The following SEMA3D variants were observed in gnomAD, a reference collection of about 807,000 sequenced individuals.
SEMA3D encodes the protein semaphorin-3D.
Under a neutral mutation model 100.1 loss-of-function variants are expected in SEMA3D, and 84 were observed. That is an observed-to-expected ratio of 0.84 (90% CI 0.70 to 1.01). SEMA3D has a LOEUF of 1.01. Ranked by LOEUF, SEMA3D falls within the 50% of genes least tolerant of loss-of-function variation. SEMA3D has a pLI of 0.00. For missense variants in SEMA3D, 875 were observed against 934.1 expected (o/e 0.94, Z 0.82); for synonymous variants, 312 against 320.7 (o/e 0.97, Z 0.29).
chr7:85,028,987 G>A, intron 12 of SEMA3D: 1 of 373,808 alleles, frequency 2.7e-6, no homozygotes, highest in South Asian at 2.6e-5. Flanking sequence ...ATCTCAAAAT[G>A]TTCAAGATTT....
Position 85,028,214 on chromosome 7 carries a change from T to C in SEMA3D, c.1192-5601A>G, listed in dbSNP as rs573800944. ...ATGGTTCTGACAAAGATGAAGGAAA[T>C]TGCAAAAGTCTACCTTGGGAAGACT... On this transcript the variant is annotated intron_variant, in intron 12 of 18. Transcript: ENST00000284136. The C allele has an allele frequency of 1.3e-5, 9 of 673,274 alleles. No homozygotes were observed. The East Asian group carries it at 2.4e-4, about 18-fold the overall frequency. The allele number at this position is 673,274 out of a possible 1,614,324, so 41.7% of individuals were successfully genotyped here.
At chr7:85,119,000 G>T (rs187934546) in intron 3 of SEMA3D, among the ~76,000 whole-genome samples, 2 of 141,576 alleles carry the variant, frequency 1.4e-5, no homozygotes, top group Non-Finnish European at 3.2e-5. Context: ...CAACAATCAT[G>T]TGAAAAAAAA....
At chr7:85,038,941 G>C (rs1224911986) in intron 11 of SEMA3D, among the ~76,000 whole-genome samples, 1 of 152,022 alleles carries the variant, frequency 6.6e-6, no homozygotes, top group Non-Finnish European at 1.5e-5. Flanking sequence ...AACAAAATGA[G>C]GATTGTGCCA....
chr7:85,115,313 C>A (rs570057625), intron 3 of SEMA3D, among the ~76,000 whole-genome samples: 1 of 152,182 alleles, frequency 6.6e-6, no homozygotes, highest in Non-Finnish European at 1.5e-5. Flanking sequence ...TCTCGGTATC[C>A]TCATACATAA....
intron 4 of SEMA3D, among the ~76,000 whole-genome samples, chr7:85,091,658 T>C (rs1241196818): frequency 2.6e-5 from 4 of 152,050 alleles, no homozygotes; most frequent in African/African-American, 7.2e-5. Flanking sequence ...GTAGTCAAAC[T>C]GACAGTTACT....
intron 12 of SEMA3D, chr7:85,028,893 G>A: frequency 4.1e-6 from 1 of 244,416 alleles, no homozygotes; most frequent in Non-Finnish European, 8.4e-6. Context: ...CATCTTCAAT[G>A]GAAAATAGCT....
chr7:85,122,437 A>G (rs1203019623), intron 2 of SEMA3D, among the ~76,000 whole-genome samples: 1 of 152,116 alleles, frequency 6.6e-6, no homozygotes, highest in Non-Finnish European at 1.5e-5. Context: ...AATTTAAACT[A>G]TTTTGTTATT....
At chr7:85,155,897 GT>G (rs1790581399) in intron 1 of SEMA3D, among the ~76,000 whole-genome samples, 1 of 151,968 alleles carries the variant, frequency 6.6e-6, no homozygotes, top group South Asian at 2.1e-4. Context: ...TATGACTTAT[GT>G]CACACTTACA....
the SEMA3D span, among the ~76,000 whole-genome samples, chr7:85,241,401 T>C: frequency 2.0e-5 from 3 of 147,382 alleles, no homozygotes; most frequent in Non-Finnish European, 4.4e-5. Flanking sequence ...CAGTTCACAA[T>C]TGCAAAAATA....
rs150670148 is a variant in SEMA3D at position 85,182,284 on chromosome 7, A to C, written c.-173+4394T>G. Among the ~76,000 whole-genome samples, 373 of 152,156 alleles carry C rather than the reference A, an allele frequency of 2.5e-3. 1 individual carries two copies. The highest frequency in any genetic ancestry group is 8.5e-3 in the African/African-American group (355 of 41,544). On this transcript the variant is annotated intron_variant, in intron 1 of 18. Coordinates refer to ENST00000284136, the MANE Select transcript of SEMA3D (RefSeq NM_001384900.1). ...CCTGTATGTTATGCATTATCATAAA[A>C]CTCCCAGTCTCTCACAATTTTTTAT...
At chr7:85,232,830 G>C in the SEMA3D span, among the ~76,000 whole-genome samples, 1 of 152,140 alleles carries the variant, frequency 6.6e-6, no homozygotes, top group African/African-American at 2.4e-5. Context: ...GCTCTCTTGG[G>C]AATATCTGCT....
upstream of SEMA3D, among the ~76,000 whole-genome samples, chr7:85,188,513 A>G (rs1791623386): frequency 6.6e-6 from 1 of 152,054 alleles, no homozygotes; most frequent in Non-Finnish European, 1.5e-5. Context: ...TGTTTATATT[A>G]TTTTCATTTG....
Position 85,093,886 on chromosome 7 carries a change from C to T in SEMA3D, c.312+3919G>A, listed in dbSNP as rs145273330. ...CAACACTATCAGCTAGGACATCTGA[C>T]ATTGGCATAAATATATAAAATGCTC... On this transcript the variant is annotated intron_variant, in intron 4 of 18. Transcript: ENST00000284136. 2.3e-3 allele frequency among the ~76,000 whole-genome samples: 357 copies of T among 152,072 alleles called. 3 individuals are homozygous for T. Among genetic ancestry groups the T allele is most frequent in the Non-Finnish European group, 3.0e-3 (203 of 67,936 alleles).
chr7:85,211,475 G>C, the SEMA3D span, among the ~76,000 whole-genome samples: 252 of 152,138 alleles, frequency 1.7e-3, 1 homozygote, highest in Non-Finnish European at 1.8e-3. Flanking sequence ...CAGTTCAACA[G>C]AACAGAATTA....
At chr7:85,104,222 A>G (rs1243898924) in intron 3 of SEMA3D, among the ~76,000 whole-genome samples, 1 of 152,060 alleles carries the variant, frequency 6.6e-6, no homozygotes, top group African/African-American at 2.4e-5. Context: ...CAAGTTTGAC[A>G]CACTCCTGTC....
chr7:85,139,499 C>T (rs1364747030), intron 2 of SEMA3D, among the ~76,000 whole-genome samples: 2 of 151,892 alleles, frequency 1.3e-5, no homozygotes, highest in African/African-American at 4.8e-5. Context: ...TCCTGAAATC[C>T]ATGTAATAAT....
chr7:85,035,149 A>G (rs1790657743), intron 12 of SEMA3D, among the ~76,000 whole-genome samples: 1 of 151,626 alleles, frequency 6.6e-6, no homozygotes, highest in South Asian at 2.1e-4. Context: ...TATGTATACA[A>G]TATATCTAGG....
intron 2 of SEMA3D, among the ~76,000 whole-genome samples, chr7:85,133,042 G>A (rs1789770208): frequency 6.6e-6 from 1 of 151,892 alleles, no homozygotes; most frequent in Non-Finnish European, 1.5e-5. Context: ...GACTAATAAA[G>A]TGCCAGAAAT....
intron 17 of SEMA3D, among the ~76,000 whole-genome samples, chr7:85,007,443 T>C (rs1789831439): frequency 6.6e-6 from 1 of 151,794 alleles, no homozygotes; most frequent in Non-Finnish European, 1.5e-5. Flanking sequence ...CCTGACAAAA[T>C]TCTATGATGA....
Sources: allele counts gnomAD v4.1 joint callset (sites outside exome capture counted in the v4.1 genomes callset), GRCh38; gene constraint gnomAD v4.1.1; transcripts MANE v1.5; gene names NCBI Gene and HGNC (gene_info 2026-07-23, HGNC 2026-07-21).